HDAC9: variants seen among roughly 807,000 people sequenced by gnomAD.
HDAC9 encodes the protein histone deacetylase 9, also known as MEF-2 interacting transcription repressor (MITR) protein.
In HDAC9, 41 loss-of-function variants were observed where a neutral mutation model predicts 139.4. The ratio of observed to expected loss-of-function variants is 0.29; its 90% CI spans 0.23 to 0.38. HDAC9 has a LOEUF of 0.38. HDAC9 is among the 10% of genes least tolerant of loss of function. The pLI, the probability that HDAC9 is intolerant of heterozygous loss-of-function variation, is 1.00. For missense variants in HDAC9, 1,147 were observed against 1,297.0 expected (o/e 0.88, Z 1.78); for synonymous variants, 517 against 476.2 (o/e 1.09, Z -1.12).
intron 2 of HDAC9, among the ~76,000 whole-genome samples, chr7:18,275,847 TAAC>T (rs1359867286): frequency 6.6e-6 from 1 of 152,240 alleles, no homozygotes; most frequent in Non-Finnish European, 1.5e-5. Flanking sequence ...TCCTATTTTC[TAAC>T]ATACCTGTCA....
intron 11 of HDAC9, among the ~76,000 whole-genome samples, chr7:18,656,690 T>C (rs529365132): frequency 6.6e-6 from 1 of 152,290 alleles, no homozygotes; most frequent in South Asian, 2.1e-4. Flanking sequence ...TAAAATCTTA[T>C]ACAGTATTTA....
chr7:18,141,380 G>A (rs769139128), intron 1 of HDAC9, among the ~76,000 whole-genome samples: 2 of 152,166 alleles, frequency 1.3e-5, no homozygotes, highest in Non-Finnish European at 2.9e-5. Context: ...CCAAGGTGCA[G>A]AGAGTCTAAA....
intron 2 of HDAC9, among the ~76,000 whole-genome samples, chr7:18,266,412 AAT>A (rs1562812894): frequency 1.6e-5 from 2 of 125,130 alleles, no homozygotes; most frequent in Non-Finnish European, 3.7e-5. Flanking sequence ...TTCAAGTAAA[AAT>A]GTTTTTTCTG....
intron 21 of HDAC9, among the ~76,000 whole-genome samples, chr7:18,847,117 G>A (rs927296767): frequency 1.3e-5 from 2 of 152,124 alleles, no homozygotes; most frequent in African/African-American, 4.8e-5. Context: ...TACTACACAG[G>A]AAAGGGGCCA....
chr7:18,209,459 T>G (rs1437626640), intron 2 of HDAC9, among the ~76,000 whole-genome samples: 2 of 152,208 alleles, frequency 1.3e-5, no homozygotes, highest in Non-Finnish European at 2.9e-5. Context: ...GACTTTTACT[T>G]AAGATATAGT....
At chr7:18,222,592 A>T (rs1792782095) in intron 2 of HDAC9, among the ~76,000 whole-genome samples, 1 of 152,138 alleles carries the variant, frequency 6.6e-6, no homozygotes, top group African/African-American at 2.4e-5. Flanking sequence ...CCCCCTACAG[A>T]TGACCACTGA....
chr7:18,165,800 A>T (rs578043343), intron 2 of HDAC9, among the ~76,000 whole-genome samples: 4 of 123,370 alleles, frequency 3.2e-5, no homozygotes, highest in Admixed American at 3.0e-4. Context: ...CCCTGTCTCA[A>T]AAAAAAAAAA....
chr7:18,558,264 T>C (rs1186974613), intron 2 of HDAC9, among the ~76,000 whole-genome samples: 1 of 152,214 alleles, frequency 6.6e-6, no homozygotes, highest in Non-Finnish European at 1.5e-5. Flanking sequence ...AAATAAACAT[T>C]GCAATTTATT....
At chr7:18,592,102 A>G (rs867671151) in intron 5 of HDAC9, among the ~76,000 whole-genome samples, 20 of 152,240 alleles carry the variant, frequency 1.3e-4, no homozygotes, top group African/African-American at 4.8e-4. Flanking sequence ...GGTCAGAGCT[A>G]TTTTCAAAAA....
chr7:18,947,935 C>A (rs1782516843), intron 23 of HDAC9, among the ~76,000 whole-genome samples: 1 of 151,864 alleles, frequency 6.6e-6, no homozygotes, highest in Non-Finnish European at 1.5e-5. Flanking sequence ...TATCAACTTT[C>A]CAAACTAATT....
In HDAC9 at chr7:18,250,019, T is replaced by C. The variant is rs557522104; in HGVS notation, c.25+87670T>C. Among the ~76,000 whole-genome samples, 14 of 152,266 alleles carry C rather than the reference T, an allele frequency of 9.2e-5. No homozygotes were observed. In the East Asian group the frequency reaches 2.7e-3, roughly 29 times the overall value. ...GAGCAACAGAGTGAGCCCCACATTATTCAGGTGGAATTGGATTAAAAAGCT... is the reference window on the plus strand; with the variant it reads ...GAGCAACAGAGTGAGCCCCACATTACTCAGGTGGAATTGGATTAAAAAGCT... On this transcript the variant is annotated intron_variant, in intron 2 of 12. Transcript: ENST00000417496.
intron 2 of HDAC9, among the ~76,000 whole-genome samples, chr7:18,233,753 A>G (rs1162511793): frequency 6.6e-6 from 1 of 152,080 alleles, no homozygotes; most frequent in Admixed American, 6.6e-5. Flanking sequence ...GCAAGATTTC[A>G]ATTTGCATAC....
chr7:18,532,337 G>C (rs1476920073), intron 2 of HDAC9, among the ~76,000 whole-genome samples: 1 of 152,104 alleles, frequency 6.6e-6, no homozygotes, highest in Non-Finnish European at 1.5e-5. Context: ...GGCCATCCAG[G>C]AACACTGTTG....
intron 2 of HDAC9, among the ~76,000 whole-genome samples, chr7:18,280,939 C>G (rs1291871375): frequency 6.6e-6 from 1 of 152,150 alleles, no homozygotes; most frequent in Non-Finnish European, 1.5e-5. Context: ...TTAATGTTAT[C>G]TTTTCCAGTT....
chr7:18,882,543 AAGG>A (rs1249850233), intron 22 of HDAC9, among the ~76,000 whole-genome samples: 3 of 152,132 alleles, frequency 2.0e-5, no homozygotes, highest in Non-Finnish European at 4.4e-5. Flanking sequence ...GTAAGAATTA[AAGG>A]AGAGTAAACA....
At chr7:18,666,605 GT>G in intron 12 of HDAC9, 129 bp downstream of exon 12, 3 of 1,481,380 alleles carry the variant, frequency 2.0e-6, no homozygotes, top group Non-Finnish European at 2.7e-6. Flanking sequence ...TGAGTTCAGT[GT>G]TTAAGGATTC....
At chr7:18,572,348 T>C (rs1824584784) in intron 2 of HDAC9, among the ~76,000 whole-genome samples, 1 of 149,268 alleles carries the variant, frequency 6.7e-6, no homozygotes, top group Non-Finnish European at 1.5e-5. Context: ...CTATTTGTCA[T>C]ATTCAAATAT....
intron 22 of HDAC9, among the ~76,000 whole-genome samples, chr7:18,897,785 C>G (rs1005521877): frequency 6.7e-6 from 1 of 150,340 alleles, no homozygotes; most frequent in African/African-American, 2.4e-5. Flanking sequence ...TATGTTTTCT[C>G]TATCTAATTG....
intron 2 of HDAC9, among the ~76,000 whole-genome samples, chr7:18,249,774 C>T (rs868634384): frequency 6.6e-5 from 10 of 151,968 alleles, no homozygotes; most frequent in African/African-American, 1.5e-4. Context: ...CTTATTAATA[C>T]CTTATGAATT....
Sources: gnomAD v4.1 joint callset for allele counts (sites outside exome capture counted in the v4.1 genomes callset) on GRCh38, gnomAD v4.1.1 for gene constraint, MANE v1.5 for transcripts, NCBI Gene and HGNC (gene_info 2026-07-23, HGNC 2026-07-21) for gene names.